The following AMPH variants were observed in gnomAD, a reference collection of about 807,000 sequenced individuals.
AMPH encodes amphiphysin (Stiff-Mann syndrome with breast cancer 128kD autoantigen).
AMPH carries 49 observed loss-of-function variants against 99.1 expected under a neutral mutation model. That is an observed-to-expected ratio of 0.49 (90% CI 0.39 to 0.63). AMPH has a LOEUF of 0.63. Ranked by LOEUF, AMPH falls within the 20% of genes least tolerant of loss-of-function variation. The pLI is 0.00. For missense variants in AMPH, 759 were observed against 863.4 expected (o/e 0.88, Z 1.52); for synonymous variants, 314 against 317.3 (o/e 0.99, Z 0.11).
intron 1 of AMPH, among the ~76,000 whole-genome samples, chr7:38,593,717 G>A (rs1421443791): frequency 2.0e-5 from 3 of 152,182 alleles, no homozygotes; most frequent in Admixed American, 6.5e-5. Flanking sequence ...GGGATCTGGG[G>A]ATACAGTAGT....
At chr7:38,450,893 CTTT>C (rs1161257005) in intron 11 of AMPH, among the ~76,000 whole-genome samples, 1 of 144,314 alleles carries the variant, frequency 6.9e-6, no homozygotes, top group Non-Finnish European at 1.5e-5. Context: ...AAAACACTTT[CTTT>C]TTTTTTTTTT....
chr7:38,389,451 C>T (rs548975706), intron 20 of AMPH, among the ~76,000 whole-genome samples: 1 of 152,168 alleles, frequency 6.6e-6, no homozygotes, highest in Non-Finnish European at 1.5e-5. Context: ...GTTCTTTCCT[C>T]ATCAATATCC....
chr7:38,475,478 C>A lies in AMPH; in HGVS notation c.505-62G>T. The A allele has an allele frequency of 2.8e-6, 3 of 1,077,018 alleles. 1 individual carries two copies. The South Asian group carries it at 4.1e-5, about 15-fold the overall frequency. 66.7% of individuals were successfully genotyped at this position (1,077,018 alleles called of 1,614,324 possible). On this transcript the variant is annotated intron_variant, in intron 6 of 20. Coordinates refer to ENST00000356264, the MANE Select transcript of AMPH (RefSeq NM_001635.4). ...AGACCATTTCTATACACAACAGCAT[C>A]ATTTAATGTAAAATAAGAATAGTCT...
chr7:38,422,403 A>G lies in AMPH; in HGVS notation c.1272+18T>C, dbSNP rs940601131. 5.6e-6 allele frequency: 9 copies of G among 1,609,258 alleles called. No individual in the cohort carries two copies. In the African/African-American group the frequency reaches 1.2e-4, roughly 22 times the overall value. ...ATAACTAACAACTTCCTGAGAGCAC[A>G]AACCCAAATCAACTTACCAAGTTGC... On this transcript the variant is annotated intron_variant, in intron 16 of 20. Transcript: ENST00000356264.
At chr7:38,598,758 CT>C (rs1793148290) in intron 1 of AMPH, among the ~76,000 whole-genome samples, 1 of 152,010 alleles carries the variant, frequency 6.6e-6, no homozygotes, top group African/African-American at 2.4e-5. Context: ...TTTTATTAGC[CT>C]TTTCAAAGAA....
intron 17 of AMPH, among the ~76,000 whole-genome samples, chr7:38,400,783 G>A (rs978483250): frequency 2.6e-5 from 4 of 152,166 alleles, no homozygotes; most frequent in African/African-American, 7.2e-5. Context: ...CCTGAAAGTA[G>A]TGTGTCAATC....
intron 17 of AMPH, among the ~76,000 whole-genome samples, chr7:38,397,470 C>T (rs1037979298): frequency 3.9e-5 from 6 of 152,216 alleles, no homozygotes; most frequent in South Asian, 2.1e-4. Flanking sequence ...AAGCAGGCAA[C>T]GAAACTGGAC....
intron 11 of AMPH, among the ~76,000 whole-genome samples, chr7:38,454,707 T>C (rs980415455): frequency 2.0e-5 from 3 of 152,176 alleles, no homozygotes. Context: ...TATTCACCTC[T>C]TTCAATTTCA....
At chr7:38,413,939 G>A (rs1174873476) in intron 17 of AMPH, among the ~76,000 whole-genome samples, 1 of 152,164 alleles carries the variant, frequency 6.6e-6, no homozygotes, top group Non-Finnish European at 1.5e-5. Context: ...CCGTGAACAT[G>A]AGTGTCACTG....
chr7:38,517,156 T>C (rs1471859485), intron 2 of AMPH, among the ~76,000 whole-genome samples: 1 of 152,166 alleles, frequency 6.6e-6, no homozygotes, highest in Admixed American at 6.5e-5. Context: ...GAAGAAATTA[T>C]TGTATTTTAA....
At chr7:38,532,739 G>T (rs1421433026) in intron 2 of AMPH, among the ~76,000 whole-genome samples, 1 of 118,786 alleles carries the variant, frequency 8.4e-6, no homozygotes. Flanking sequence ...AAGAAAGCTG[G>T]GAAAAAAAAA....
At chr7:38,556,513 T>C (rs1314240945) in intron 1 of AMPH, among the ~76,000 whole-genome samples, 1 of 152,188 alleles carries the variant, frequency 6.6e-6, no homozygotes, top group East Asian at 1.9e-4. Context: ...TCACTCACTG[T>C]AGTCCCGCAG....
intron 2 of AMPH, among the ~76,000 whole-genome samples, chr7:38,532,539 A>G (rs1790443558): frequency 6.6e-6 from 1 of 152,278 alleles, no homozygotes; most frequent in African/African-American, 2.4e-5. Flanking sequence ...CTAATATACT[A>G]TGCCCCATAA....
In AMPH at chr7:38,419,915, T is replaced by C. The variant is rs148863516; in HGVS notation, c.1273-1965A>G. On this transcript the variant is annotated intron_variant, in intron 16 of 20. Coordinates refer to ENST00000356264, the MANE Select transcript of AMPH (RefSeq NM_001635.4). ...TGCAAAAAATATTTGCACCAGAGTC[T>C]GGGTTTCTTAGAAGTCTGAAGAAAT... Among the ~76,000 whole-genome samples the C allele has an allele frequency of 2.0e-5, 3 of 152,320 alleles. No individual in the cohort carries two copies. The East Asian group carries it at 5.8e-4, about 29-fold the overall frequency.
At chr7:38,395,210 A>G (rs1270376120) in intron 17 of AMPH, among the ~76,000 whole-genome samples, 2 of 139,592 alleles carry the variant, frequency 1.4e-5, no homozygotes, top group Non-Finnish European at 3.2e-5. Flanking sequence ...CCAGAAGCCA[A>G]ATCACTTTCA....
intron 2 of AMPH, among the ~76,000 whole-genome samples, chr7:38,530,812 G>A (rs1428369703): frequency 6.6e-6 from 1 of 152,186 alleles, no homozygotes; most frequent in Non-Finnish European, 1.5e-5. Flanking sequence ...GCTTTGATAA[G>A]AGACCAAAAA....
chr7:38,491,080 A>G lies in AMPH; in HGVS notation c.366T>C (p.Asp122=), dbSNP rs1361561294. 1.2e-6 allele frequency: 2 copies of G among 1,612,852 alleles called. No homozygotes were observed. Among genetic ancestry groups the G allele is most frequent in the Non-Finnish European group, 1.7e-6 (2 of 1,179,104 alleles). ...KLVDGSLLTL[D]TYLGQFPDIK... ...TGTCAGGAAATTGCCCCAGGTAGGT[A>G]TCCAGTGTTAGCAAGGACCCATCCA... is the stretch of plus-strand genomic sequence containing the variant. The change falls in exon 5 of 21, where the codon GAT becomes GAC. Residue 122 remains aspartate (D), a synonymous_variant. Transcript: ENST00000356264.
intron 17 of AMPH, among the ~76,000 whole-genome samples, chr7:38,406,479 A>G (rs1177007010): frequency 6.6e-6 from 1 of 152,176 alleles, no homozygotes; most frequent in African/African-American, 2.4e-5. Context: ...TATAATAATT[A>G]ATATTAGGTG....
At chr7:38,553,462 T>C (rs1376922455) in intron 1 of AMPH, among the ~76,000 whole-genome samples, 1 of 152,230 alleles carries the variant, frequency 6.6e-6, no homozygotes, top group African/African-American at 2.4e-5. Context: ...AAAACACACA[T>C]GCAAATATAC....
Sources: gnomAD v4.1 joint callset for allele counts (sites outside exome capture counted in the v4.1 genomes callset) on GRCh38, gnomAD v4.1.1 for gene constraint, MANE v1.5 for transcripts, NCBI Gene and HGNC (gene_info 2026-07-23, HGNC 2026-07-21) for gene names.